CHRM2: variants seen among roughly 807,000 people sequenced by gnomAD.
The protein encoded by CHRM2 is cholinergic receptor muscarinic 2.
Under a neutral mutation model 25.0 loss-of-function variants are expected in CHRM2, and 8 were observed. That is an observed-to-expected ratio of 0.32 (90% CI 0.19 to 0.58). CHRM2 has a LOEUF of 0.58. Ranked by LOEUF, CHRM2 falls within the 20% of genes least tolerant of loss-of-function variation. The pLI is 0.88. For missense variants in CHRM2, 440 were observed against 567.1 expected, an observed-to-expected ratio of 0.78 and a Z score of 2.28; for synonymous variants, 202 against 205.7, an observed-to-expected ratio of 0.98 and a Z score of 0.15.
chr7:136,947,334 A>C (rs1219579658), intron 2 of CHRM2, among the ~76,000 whole-genome samples: 1 of 152,210 alleles, frequency 6.6e-6, no homozygotes, highest in African/African-American at 2.4e-5. Context: ...TCATTTTCTT[A>C]ATATCTAGGG....
At chr7:136,902,243 C>A (rs1255281818) in intron 2 of CHRM2, 1 of 151,904 alleles carries the variant, frequency 6.6e-6, no homozygotes, top group African/African-American at 2.4e-5. Context: ...ATCCATCCAT[C>A]CATCCATCCA....
intron 2 of CHRM2, among the ~76,000 whole-genome samples, chr7:136,913,090 A>G (rs1197235911): frequency 1.3e-5 from 2 of 151,966 alleles, no homozygotes; most frequent in Non-Finnish European, 2.9e-5. Context: ...TAGTAAATAA[A>G]TTTATAACTA....
chr7:136,888,547 G>A (rs1796561910), intron 2 of CHRM2, among the ~76,000 whole-genome samples: 1 of 152,066 alleles, frequency 6.6e-6, no homozygotes, highest in Non-Finnish European at 1.5e-5. Flanking sequence ...TGGGCAAAAG[G>A]TCTCTGTGGT....
intron 2 of CHRM2, among the ~76,000 whole-genome samples, chr7:136,980,501 AG>A (rs1802413829): frequency 6.6e-6 from 1 of 152,182 alleles, no homozygotes; most frequent in South Asian, 2.1e-4. Context: ...GTGGTGAGAG[AG>A]GGCATCCTTG....
intron 2 of CHRM2, among the ~76,000 whole-genome samples, chr7:136,933,724 AT>A (rs1799247969): frequency 6.6e-6 from 1 of 152,228 alleles, no homozygotes; most frequent in African/African-American, 2.4e-5. Flanking sequence ...ATAAAATGGA[AT>A]ATTATTCACC....
At chr7:137,013,791 CAG>C (rs1346930994) in intron 3 of CHRM2, among the ~76,000 whole-genome samples, 1 of 151,984 alleles carries the variant, frequency 6.6e-6, no homozygotes, top group Non-Finnish European at 1.5e-5. Context: ...TGCCACCAGG[CAG>C]AGACCTTGTT....
At chr7:137,003,886 T>A (rs974700415) in intron 3 of CHRM2, among the ~76,000 whole-genome samples, 2 of 152,006 alleles carry the variant, frequency 1.3e-5, no homozygotes, top group African/African-American at 4.8e-5. Flanking sequence ...TCTCATGAGA[T>A]CTGATGATTT....
In CHRM2 at chr7:137,017,024, C is replaced by T. The variant is rs1365100970; in HGVS notation, c.*758C>T. 2 of 164,708 alleles carry T rather than the reference C, an allele frequency of 1.2e-5. No individual in the cohort carries two copies. Among genetic ancestry groups the T allele is most frequent in the African/African-American group, 4.8e-5 (2 of 41,414 alleles). The allele number at this position is 164,708 out of a possible 1,614,324, so 10.2% of individuals were successfully genotyped here. A position where few individuals can be genotyped will look rare whatever the true frequency, so the allele number is the denominator to read the frequency against. On this transcript the variant is annotated 3_prime_UTR_variant, in exon 4 of 4. Transcript: ENST00000680005. ...CCATGAAAATGGACGTTTCACCCCT[C>T]CTCACTGTGTCCTTTGCATTCGTTG...
At chr7:136,974,041 G>A (rs1228616309) in intron 2 of CHRM2, among the ~76,000 whole-genome samples, 5 of 151,926 alleles carry the variant, frequency 3.3e-5, no homozygotes, top group Admixed American at 6.6e-5. Flanking sequence ...CCTTGGCTGC[G>A]GTCTCATATT....
intron 2 of CHRM2, chr7:136,903,338 T>C (rs1158716591): frequency 4.7e-6 from 2 of 424,640 alleles, no homozygotes; most frequent in South Asian, 1.9e-5. Context: ...CTATAGTGTA[T>C]GTGCAAATCT....
At chr7:136,908,611 A>C (rs187970304) in intron 2 of CHRM2, among the ~76,000 whole-genome samples, 53 of 152,040 alleles carry the variant, frequency 3.5e-4, no homozygotes, top group African/African-American at 1.2e-3. Context: ...GAATAATTTT[A>C]TCTCTTCTCT....
At chr7:136,950,884 T>G (rs1247330619) in intron 2 of CHRM2, 1 of 152,182 alleles carries the variant, frequency 6.6e-6, no homozygotes, top group Non-Finnish European at 1.5e-5. Flanking sequence ...GGCAAAAACA[T>G]GGCTCACTGC....
chr7:136,901,611 A>AT lies in CHRM2; in HGVS notation c.-125+32200dup, dbSNP rs143194335. ...CCCAGTTTGGCCATTCCCTGATGTC[A>AT]TTTTTTTCCCCCATTTCCATTGTTA... On this transcript the variant is annotated intron_variant, in intron 2 of 3. Coordinates refer to ENST00000680005, the MANE Select transcript of CHRM2 (RefSeq NM_001006630.2). Among the ~76,000 whole-genome samples the AT allele has an allele frequency of 5.8e-3, 879 of 151,852 alleles. 11 individuals carry two copies. Among genetic ancestry groups the AT allele is most frequent in the African/African-American group, 0.019 (792 of 41,442 alleles).
At chr7:136,930,898 C>CAAAAAAAAAAAA (rs57705639) in intron 2 of CHRM2, among the ~76,000 whole-genome samples, 1,220 of 61,074 alleles carry the variant, frequency 0.02, 89 homozygotes, top group Non-Finnish European at 0.036. Context: ...CTCATTCTCT[C>CAAAAAAAAAAAA]AAAAAAAAAA....
chr7:136,936,824 C>A (rs947119655), intron 2 of CHRM2, among the ~76,000 whole-genome samples: 2 of 152,008 alleles, frequency 1.3e-5, no homozygotes, highest in Non-Finnish European at 2.9e-5. Flanking sequence ...TTCTATATTA[C>A]CCTTCTATGT....
intron 3 of CHRM2, among the ~76,000 whole-genome samples, chr7:137,002,129 TTTTGTTTTGTTTTG>T (rs1320764862): frequency 9.9e-5 from 15 of 152,106 alleles, no homozygotes; most frequent in African/African-American, 3.6e-4. Flanking sequence ...CTTTCTGGTT[TTTTGTTTTGTTTTG>T]TTTGTTTTGT....
intron 2 of CHRM2, among the ~76,000 whole-genome samples, chr7:136,875,271 G>A (rs1317302680): frequency 1.3e-5 from 2 of 151,828 alleles, no homozygotes; most frequent in Non-Finnish European, 2.9e-5. Flanking sequence ...TTTGTTAGGT[G>A]AGAAACGTAG....
chr7:136,995,872 A>G (rs1803564690), intron 3 of CHRM2, among the ~76,000 whole-genome samples: 1 of 151,976 alleles, frequency 6.6e-6, no homozygotes, highest in African/African-American at 2.4e-5. Context: ...TATAATAAAG[A>G]TAATTAAAAA....
At chr7:136,954,015 G>A (rs1289331789) in intron 2 of CHRM2, among the ~76,000 whole-genome samples, 1 of 152,064 alleles carries the variant, frequency 6.6e-6, no homozygotes, top group African/African-American at 2.4e-5. Context: ...TAGAGGAATG[G>A]CCTGTTTATT....
Sources: gnomAD v4.1 joint callset for allele counts (sites outside exome capture counted in the v4.1 genomes callset) on GRCh38, gnomAD v4.1.1 for gene constraint, MANE v1.5 for transcripts, NCBI Gene and HGNC (gene_info 2026-07-23, HGNC 2026-07-21) for gene names.